The following FBXO21 variants were observed in gnomAD, a reference collection of about 807,000 sequenced individuals.
FBXO21 encodes the protein F-box protein 21.
Under a neutral mutation model 76.6 loss-of-function variants are expected in FBXO21, and 32 were observed. The ratio of observed to expected loss-of-function variants is 0.42; its 90% confidence interval spans 0.32 to 0.56. The LOEUF is 0.56. Among genes scored for constraint, FBXO21 ranks in the 20% least tolerant of loss-of-function variants. FBXO21 has a pLI of 0.16. For synonymous variants in FBXO21, 328 were observed against 311.5 expected (o/e 1.05, Z -0.56); for missense variants, 586 against 797.3 (o/e 0.73, Z 3.19).
At chr12:117,177,287 T>C (rs1956185480) in intron 4 of FBXO21, among the ~76,000 whole-genome samples, 1 of 152,242 alleles carries the variant, frequency 6.6e-6, no homozygotes, top group East Asian at 1.9e-4. Context: ...CAATGATGCA[T>C]CTTTAAAAAA....
chr12:117,185,803 A>G (rs1208996882), intron 3 of FBXO21, among the ~76,000 whole-genome samples: 1 of 152,238 alleles, frequency 6.6e-6, no homozygotes, highest in Non-Finnish European at 1.5e-5. Flanking sequence ...AAAAGATTCA[A>G]TTCATGATAG....
At chr12:117,147,597 C>CAAAAAAAA (rs57318190) in intron 11 of FBXO21, among the ~76,000 whole-genome samples, 1 of 87,404 alleles carries the variant, frequency 1.1e-5, no homozygotes, top group Non-Finnish European at 2.2e-5. Flanking sequence ...GACTCCATCT[C>CAAAAAAAA]AAAAAAAAAA....
At chr12:117,163,909 A>G (rs1269565294) in intron 9 of FBXO21, among the ~76,000 whole-genome samples, 1 of 152,032 alleles carries the variant, frequency 6.6e-6, no homozygotes, top group East Asian at 1.9e-4. Flanking sequence ...GTGCCGCTGC[A>G]CTCCAGCCTG....
At chr12:117,178,571 C>T (rs1430902858) in intron 3 of FBXO21, among the ~76,000 whole-genome samples, 1 of 152,088 alleles carries the variant, frequency 6.6e-6, no homozygotes, top group Non-Finnish European at 1.5e-5. Flanking sequence ...CGCCCCATTA[C>T]CTCTCTGACC....
In FBXO21 at chr12:117,186,514, C is replaced by CA. The variant is rs772635228; in HGVS notation, c.432dup (p.Glu145Ter). On this transcript the variant is annotated frameshift_variant, in exon 3 of 12. Transcript: ENST00000622495. LOFTEE classifies it high-confidence loss of function. ...TTTAGGATACACACCAGTTCATCCT[C>CA]AAAAAAAATCTCTGGTCCTTCAAGG... 8 of 1,611,360 alleles carry CA rather than the reference C, an allele frequency of 5.0e-6. No individual in the cohort carries two copies. The highest frequency in any genetic ancestry group is 2.2e-5 in the East Asian group (1 of 44,820).
chr12:117,161,603 T>C (rs936598678), intron 9 of FBXO21, among the ~76,000 whole-genome samples: 6 of 152,186 alleles, frequency 3.9e-5, no homozygotes, highest in African/African-American at 1.2e-4. Flanking sequence ...AGTGCTGGTC[T>C]CAGCGGGTCG....
In FBXO21 at chr12:117,176,335, T is replaced by A. The variant is rs115815202; in HGVS notation, c.592+1185A>T. Among the ~76,000 whole-genome samples the A allele has an allele frequency of 3.0e-3, 460 of 152,144 alleles. 4 individuals carry two copies. Among genetic ancestry groups the A allele is most frequent in the African/African-American group, 0.011 (439 of 41,480 alleles). ...GGGGGAGTAGGATTTTCAAGAGGGATTATGAGAAGGAGGGATATCATGAAT... is the reference window on the plus strand; with the variant it reads ...GGGGGAGTAGGATTTTCAAGAGGGAATATGAGAAGGAGGGATATCATGAAT... On this transcript the variant is annotated intron_variant, in intron 4 of 11. Coordinates refer to ENST00000622495, the MANE Select transcript of FBXO21 (RefSeq NM_015002.3).
chr12:117,173,836 G>C (rs1009966937), intron 6 of FBXO21, among the ~76,000 whole-genome samples: 1 of 152,132 alleles, frequency 6.6e-6, no homozygotes, highest in African/African-American at 2.4e-5. Context: ...CGGTCCATCA[G>C]AGAGAAGCTT....
At chr12:117,161,151 G>A (rs755856944) in intron 9 of FBXO21, among the ~76,000 whole-genome samples, 5 of 152,100 alleles carry the variant, frequency 3.3e-5, no homozygotes, top group African/African-American at 4.8e-5. Flanking sequence ...AACATGACCT[G>A]GCCGCACACA....
At chr12:117,150,599 C>T (rs1955826105) in intron 11 of FBXO21, among the ~76,000 whole-genome samples, 1 of 151,212 alleles carries the variant, frequency 6.6e-6, no homozygotes, top group African/African-American at 2.4e-5. Flanking sequence ...TTCCAGTCTG[C>T]ATAGACCCCA....
In FBXO21 at chr12:117,157,880, G is replaced by A; in HGVS notation, c.1510C>T (p.His504Tyr). The A allele has an allele frequency of 6.2e-7, 1 of 1,604,124 alleles. No individual in the cohort carries two copies. Among genetic ancestry groups the A allele is most frequent in the Non-Finnish European group, 8.5e-7 (1 of 1,173,152 alleles). The change falls in exon 10 of 12, where the codon CAT becomes TAT. Residue 504 changes from histidine (H) to tyrosine (Y), a missense_variant. Around this residue, in one of 6 missense-constraint regions of FBXO21, gnomAD observed 164 missense variants for 236.7 expected, o/e 0.69. Transcript: ENST00000622495. ...VCYSIGLIMK[H>Y]KRYGYNCVIY... ...ATGATCCCGGGCACTCACCTCTTAT[G>A]CTTCATAATGAGCCCGATGGAGTAG...
intron 11 of FBXO21, among the ~76,000 whole-genome samples, chr12:117,151,628 CCT>C (rs1285279765): frequency 6.6e-6 from 1 of 152,086 alleles, no homozygotes; most frequent in African/African-American, 2.4e-5. Context: ...TAAAATTTGG[CCT>C]CTCACTGGCT....
At chr12:117,147,535 T>C (rs1021804412) in intron 11 of FBXO21, among the ~76,000 whole-genome samples, 8 of 142,244 alleles carry the variant, frequency 5.6e-5, no homozygotes, top group East Asian at 2.0e-4. Flanking sequence ...GAGGCGGAGG[T>C]TGCAGTGAGC....
intron 9 of FBXO21, among the ~76,000 whole-genome samples, chr12:117,163,111 A>T (rs1956003614): frequency 6.6e-6 from 1 of 152,186 alleles, no homozygotes; most frequent in African/African-American, 2.4e-5. Flanking sequence ...TTTCTCCCCT[A>T]ATCTCTGAAT....
chr12:117,148,719 A>C (rs1955806629), intron 11 of FBXO21, among the ~76,000 whole-genome samples: 1 of 152,244 alleles, frequency 6.6e-6, no homozygotes, highest in Admixed American at 6.5e-5. Flanking sequence ...CCAGGGCTGA[A>C]GGGAACCAGA....
intron 3 of FBXO21, among the ~76,000 whole-genome samples, chr12:117,183,461 T>A (rs1231665105): frequency 1.3e-5 from 2 of 152,224 alleles, no homozygotes; most frequent in Admixed American, 1.3e-4. Context: ...GGTTTCATCA[T>A]GTTGGCCAGG....
At chr12:117,174,126 G>A in intron 6 of FBXO21, 79 bp downstream of exon 6, 2 of 1,180,650 alleles carry the variant, frequency 1.7e-6, no homozygotes, top group Non-Finnish European at 2.5e-6. Flanking sequence ...AACAGAGCGA[G>A]ACCCTGTCTC....
At chr12:117,150,871 C>CTGTGTGTGTGTGTGTGTGTG (rs372253197) in intron 11 of FBXO21, among the ~76,000 whole-genome samples, 5,528 of 127,574 alleles carry the variant, frequency 0.043, 306 homozygotes, top group Admixed American at 0.11. Context: ...TGGCCATGGA[C>CTGTGTGTGTGTGTGTGTGTG]TGTGTGTGTG....
chr12:117,151,009 G>A (rs4078518), intron 11 of FBXO21, among the ~76,000 whole-genome samples: 7,871 of 144,604 alleles, frequency 0.054, 775 homozygotes, highest in African/African-American at 0.19. Flanking sequence ...TGTGTCGGGC[G>A]GGGAGGACTG....
Sources: allele counts gnomAD v4.1 joint callset (sites outside exome capture counted in the v4.1 genomes callset), GRCh38; gene constraint gnomAD v4.1.1; regional missense constraint gnomAD v4.1.1; transcripts MANE v1.5; gene names NCBI Gene and HGNC (gene_info 2026-07-23, HGNC 2026-07-21).